The following MGAT4C variants were observed in gnomAD, a reference collection of about 807,000 sequenced individuals.
The protein encoded by MGAT4C is MGAT4 family member C.
A neutral mutation model predicts 40.1 loss-of-function variants in MGAT4C; 19 were observed. That is an observed-to-expected ratio of 0.47 (90% CI 0.33 to 0.70). The LOEUF is 0.70. Among genes scored for constraint, MGAT4C ranks in the 30% least tolerant of loss-of-function variants. MGAT4C has a pLI of 0.02. For missense variants in MGAT4C, 491 were observed against 563.2 expected (o/e 0.87, Z 1.30); for synonymous variants, 181 against 187.1 (o/e 0.97, Z 0.27).
At chr12:86,177,990 G>C (rs954258867) in intron 1 of MGAT4C, among the ~76,000 whole-genome samples, 1 of 152,140 alleles carries the variant, frequency 6.6e-6, no homozygotes, top group Admixed American at 6.5e-5. Context: ...AGGCTGGAGT[G>C]CAGTGGCGCG....
At chr12:86,500,254 C>A (rs1031488785) in intron 2 of MGAT4C, among the ~76,000 whole-genome samples, 1 of 151,392 alleles carries the variant, frequency 6.6e-6, no homozygotes, top group Admixed American at 6.6e-5. Context: ...ACACACACAG[C>A]AAATTAGATC....
rs533683292 is a variant in MGAT4C at position 86,755,561 on chromosome 12, TTTTC to T, written c.-261-28324_-261-28321del. ...AATTATTTTTTCTTTTCTTTTCTCT[TTTTC>T]TTTCTTTCTTTTTTTTTCTTTTCTT... On this transcript the variant is annotated intron_variant, in intron 1 of 7. Coordinates refer to the MGAT4C transcript ENST00000548651. Among the ~76,000 whole-genome samples the T allele has an allele frequency of 8.1e-3, 1,233 of 151,978 alleles. 13 individuals are homozygous for T. The highest frequency in any genetic ancestry group is 0.028 in the African/African-American group (1,168 of 41,466).
At chr12:86,775,197 G>A (rs1401781157) in intron 1 of MGAT4C, among the ~76,000 whole-genome samples, 1 of 152,064 alleles carries the variant, frequency 6.6e-6, no homozygotes, top group Non-Finnish European at 1.5e-5. Flanking sequence ...AAACTGGTGA[G>A]TCACTTCTCT....
At chr12:86,511,847 G>A (rs945273826) in intron 2 of MGAT4C, among the ~76,000 whole-genome samples, 6 of 152,040 alleles carry the variant, frequency 3.9e-5, no homozygotes, top group Non-Finnish European at 8.8e-5. Flanking sequence ...ATAGTTTCTT[G>A]GATATAACAC....
intron 2 of MGAT4C, among the ~76,000 whole-genome samples, chr12:86,019,374 T>A (rs1345018277): frequency 6.6e-6 from 1 of 152,178 alleles, no homozygotes; most frequent in Non-Finnish European, 1.5e-5. Flanking sequence ...CTGTCATACC[T>A]ATGTATGATA....
chr12:86,565,073 G>A (rs770107309), intron 2 of MGAT4C, among the ~76,000 whole-genome samples: 7 of 152,072 alleles, frequency 4.6e-5, no homozygotes, highest in Admixed American at 6.6e-5. Context: ...CTGTTACTGC[G>A]CTTTGGTAGA....
intron 4 of MGAT4C, among the ~76,000 whole-genome samples, chr12:86,267,743 A>C (rs1952823902): frequency 6.6e-6 from 1 of 152,152 alleles, no homozygotes; most frequent in African/African-American, 2.4e-5. Flanking sequence ...ATAAATGCAG[A>C]GCAAAGATGA....
At chr12:86,239,890 G>A (rs528117558) in intron 1 of MGAT4C, among the ~76,000 whole-genome samples, 3 of 129,436 alleles carry the variant, frequency 2.3e-5, no homozygotes, top group Admixed American at 8.0e-5. Flanking sequence ...GTCGGGGGAG[G>A]GGGGAGGGAT....
chr12:86,587,616 T>C (rs1405348873), intron 2 of MGAT4C, among the ~76,000 whole-genome samples: 1 of 152,072 alleles, frequency 6.6e-6, no homozygotes, highest in Non-Finnish European at 1.5e-5. Flanking sequence ...TGTCCTCTTT[T>C]ATTTCCTTGA....
At chr12:86,431,170 C>A (rs1957030533) in intron 3 of MGAT4C, among the ~76,000 whole-genome samples, 1 of 152,146 alleles carries the variant, frequency 6.6e-6, no homozygotes, top group South Asian at 2.1e-4. Flanking sequence ...AGACACCTAG[C>A]TCTGTACTGC....
intron 1 of MGAT4C, among the ~76,000 whole-genome samples, chr12:86,758,380 T>TTA (rs1444740969): frequency 2.4e-5 from 3 of 125,400 alleles, no homozygotes; most frequent in African/African-American, 9.8e-5. Context: ...GAATCCTTTT[T>TTA]TTTTTTTTTT....
rs1338349470 is a variant in MGAT4C, at chr12:86,703,622, C to T, written c.-229+23587G>A. Among the ~76,000 whole-genome samples, 5 of 152,084 alleles carry T rather than the reference C, an allele frequency of 3.3e-5. No individual in the cohort carries two copies. In the South Asian group the frequency reaches 6.2e-4, roughly 19 times the overall value. On this transcript the variant is annotated intron_variant, in intron 2 of 7. Coordinates refer to the MGAT4C transcript ENST00000548651. ...TTTTTAAATGTAATGCTATTGCACACATAATAGACTACAGTGTAGTAGAAA... is the reference window on the plus strand; with the variant it reads ...TTTTTAAATGTAATGCTATTGCACATATAATAGACTACAGTGTAGTAGAAA...
At chr12:86,660,830 T>C (rs1963963625) in intron 2 of MGAT4C, among the ~76,000 whole-genome samples, 1 of 152,196 alleles carries the variant, frequency 6.6e-6, no homozygotes, top group African/African-American at 2.4e-5. Flanking sequence ...TTCTGATTTA[T>C]AGCAAACCAT....
Position 85,955,722 on chromosome 12 carries a change from A to C in MGAT4C, c.*23567T>G, listed in dbSNP as rs981819307. The stretch of plus-strand genomic sequence containing the variant: ...TGTTTAGCCTTCATAATTTCAAACA[A>C]TTCTGAATTTGTTGCTTCAAATGAA... On this transcript the variant is annotated 3_prime_UTR_variant, in exon 5 of 5. Coordinates refer to ENST00000611864, the MANE Select transcript of MGAT4C (RefSeq NM_001351288.2). 6.6e-6 allele frequency: 1 copy of C among 152,168 alleles called. No individual in the cohort carries two copies. The highest frequency in any genetic ancestry group is 2.1e-4 in the South Asian group (1 of 4,838). The allele number at this position is 152,168 out of a possible 1,614,324, so 9.4% of individuals were successfully genotyped here.
chr12:86,694,268 T>A (rs1332733763), intron 2 of MGAT4C, among the ~76,000 whole-genome samples: 1 of 152,198 alleles, frequency 6.6e-6, no homozygotes, highest in Non-Finnish European at 1.5e-5. Context: ...TCTTCTATTG[T>A]ACTTTCTGTA....
Position 86,028,883 on chromosome 12 carries a change from A to G in MGAT4C, c.-7+20791T>C, listed in dbSNP as rs1890484189. Among the ~76,000 whole-genome samples, 3 of 152,046 alleles carry G rather than the reference A, an allele frequency of 2.0e-5. No homozygotes were observed. The South Asian group carries it at 6.2e-4, about 32-fold the overall frequency. ...ATAAGATATCTCATTACATATTCCAATTATCTATATTTTCACTGTACATGT... is the reference window on the plus strand; with the variant it reads ...ATAAGATATCTCATTACATATTCCAGTTATCTATATTTTCACTGTACATGT... On this transcript the variant is annotated intron_variant, in intron 2 of 4. Transcript: ENST00000611864.
At chr12:86,408,467 CTCTCTCTCTCTCTA>C (rs1256796734) in intron 3 of MGAT4C, among the ~76,000 whole-genome samples, 1 of 108,084 alleles carries the variant, frequency 9.3e-6, no homozygotes, top group East Asian at 2.8e-4. Flanking sequence ...CTCTCTCTCT[CTCTCTCTCTCTCTA>C]TATATATATA....
rs572080110 is a variant in MGAT4C at position 86,308,186 on chromosome 12, T to C, written c.-57+25879A>G. On this transcript the variant is annotated intron_variant, in intron 4 of 7. Coordinates refer to the MGAT4C transcript ENST00000548651. ...TTTGCACACACAGACATGTATAATGTATATACAGGACTTTTGAACATCTTT... is the reference window on the plus strand; with the variant it reads ...TTTGCACACACAGACATGTATAATGCATATACAGGACTTTTGAACATCTTT... Among the ~76,000 whole-genome samples the C allele has an allele frequency of 3.5e-4, 53 of 150,838 alleles. 4 individuals are homozygous for C. Among genetic ancestry groups the C allele is most frequent in the African/African-American group, 1.1e-3 (45 of 40,214 alleles).
At chr12:86,768,628 C>T (rs1951564546) in intron 1 of MGAT4C, among the ~76,000 whole-genome samples, 1 of 151,612 alleles carries the variant, frequency 6.6e-6, no homozygotes, top group Non-Finnish European at 1.5e-5. Flanking sequence ...TACTACAAGG[C>T]TACAGTAACC....
Sources: allele counts gnomAD v4.1 joint callset (sites outside exome capture counted in the v4.1 genomes callset), GRCh38; gene constraint gnomAD v4.1.1; transcripts MANE v1.5; gene names NCBI Gene and HGNC (gene_info 2026-07-23, HGNC 2026-07-21).